The following RNGTT variants were observed in gnomAD, a reference collection of about 807,000 sequenced individuals.
The protein encoded by RNGTT is mRNA-capping enzyme.
RNGTT carries 33 observed loss-of-function variants against 79.3 expected under a neutral mutation model. The ratio of observed to expected loss-of-function variants is 0.42; its 90% CI spans 0.32 to 0.56. The LOEUF (loss-of-function observed/expected upper bound fraction) is 0.56, where lower values mean the gene tolerates loss of function less well. Among genes scored for constraint, RNGTT ranks in the 20% least tolerant of loss-of-function variants. RNGTT has a pLI of 0.17. For missense variants in RNGTT, 497 were observed against 739.1 expected, an observed-to-expected ratio of 0.67 and a Z score of 3.80; for synonymous variants, 222 against 235.9, an observed-to-expected ratio of 0.94 and a Z score of 0.54.
intron 5 of RNGTT, among the ~76,000 whole-genome samples, chr6:88,905,553 CATAA>C (rs1443438233): frequency 6.6e-6 from 1 of 152,160 alleles, no homozygotes; most frequent in African/African-American, 2.4e-5. Context: ...TCTTTGTAAA[CATAA>C]ATAATGATGC....
chr6:88,871,647 G>C (rs1044067438), intron 8 of RNGTT, among the ~76,000 whole-genome samples: 7 of 152,180 alleles, frequency 4.6e-5, no homozygotes, highest in African/African-American at 1.4e-4. Flanking sequence ...TCAGGCAGCT[G>C]TGAGAACCCA....
At chr6:88,704,265 A>AACAAAAC (rs1464499678) in intron 13 of RNGTT, among the ~76,000 whole-genome samples, 4 of 125,422 alleles carry the variant, frequency 3.2e-5, no homozygotes, top group African/African-American at 1.3e-4. Flanking sequence ...GTCTCAAAAA[A>AACAAAAC]AAAAAAAAAA....
intron 12 of RNGTT, among the ~76,000 whole-genome samples, chr6:88,772,800 C>A (rs1253986672): frequency 2.0e-5 from 3 of 151,544 alleles, no homozygotes; most frequent in African/African-American, 7.3e-5. Context: ...GAATGGCAAT[C>A]ATTAAAAAGT....
intron 8 of RNGTT, among the ~76,000 whole-genome samples, chr6:88,879,634 C>T (rs974031440): frequency 2.0e-5 from 3 of 152,130 alleles, no homozygotes; most frequent in Admixed American, 2.0e-4. Context: ...TAGTAAATTA[C>T]ATAAAAAATC....
intron 2 of RNGTT, among the ~76,000 whole-genome samples, chr6:88,935,338 A>G (rs1311606647): frequency 6.6e-6 from 1 of 152,152 alleles, no homozygotes; most frequent in Non-Finnish European, 1.5e-5. Flanking sequence ...AATACACTGT[A>G]AAGTAGTGTG....
chr6:88,801,510 A>T, intron 12 of RNGTT, 54 bp downstream of exon 12: 5 of 1,175,992 alleles, frequency 4.3e-6, no homozygotes, highest in Non-Finnish European at 6.2e-6. Flanking sequence ...ATATCTGTGT[A>T]CACACACACA....
chr6:88,849,706 A>G (rs144959568), intron 10 of RNGTT, 49 bp downstream of exon 10: 19,141 of 1,448,352 alleles, frequency 0.013, 178 homozygotes, highest in Non-Finnish European at 0.015. Context: ...TCAAAAATAC[A>G]TTCATTATTT....
In RNGTT at chr6:88,682,209, C is replaced by T. The variant is rs74705197; in HGVS notation, c.1440-3790G>A. Among the ~76,000 whole-genome samples the T allele has an allele frequency of 7.7e-3, 1,165 of 152,268 alleles. 7 individuals carry two copies. The highest frequency in any genetic ancestry group is 0.014 in the Admixed American group (209 of 15,284). Reference sequence around the variant, plus strand: ...AAAAGTTTAAAAGGAGCAAGGGATTCTTTCTAAAAATAAGCTAAATAACTC... The same window carrying T: ...AAAAGTTTAAAAGGAGCAAGGGATTTTTTCTAAAAATAAGCTAAATAACTC... On this transcript the variant is annotated intron_variant, in intron 13 of 15. Coordinates refer to ENST00000369485, the MANE Select transcript of RNGTT (RefSeq NM_003800.5).
intron 13 of RNGTT, among the ~76,000 whole-genome samples, chr6:88,740,044 A>G (rs1777432377): frequency 6.6e-6 from 1 of 152,018 alleles, no homozygotes; most frequent in South Asian, 2.1e-4. Flanking sequence ...TTCCAGAGAA[A>G]CAAATTTTTC....
chr6:88,896,962 C>A (rs187840548), intron 6 of RNGTT, among the ~76,000 whole-genome samples: 1 of 152,286 alleles, frequency 6.6e-6, no homozygotes, highest in African/African-American at 2.4e-5. Flanking sequence ...ATGGCACTAC[C>A]ACAATCATTT....
chr6:88,826,821 T>C (rs1271378091), intron 11 of RNGTT, among the ~76,000 whole-genome samples: 1 of 81,778 alleles, frequency 1.2e-5, no homozygotes, highest in Non-Finnish European at 2.5e-5. Flanking sequence ...TATATATGTG[T>C]GTGTATATAT....
chr6:88,858,325 G>T (rs917124537), intron 8 of RNGTT, among the ~76,000 whole-genome samples: 1 of 151,862 alleles, frequency 6.6e-6, no homozygotes, highest in East Asian at 1.9e-4. Flanking sequence ...ACAGCAAATG[G>T]CACAGACTCT....
chr6:88,661,406 A>T (rs1393895406), intron 14 of RNGTT, among the ~76,000 whole-genome samples: 1 of 152,186 alleles, frequency 6.6e-6, no homozygotes, highest in Non-Finnish European at 1.5e-5. Context: ...GTTAAAAAAA[A>T]TTGACAGACC....
chr6:88,878,424 T>C (rs1314574362), intron 8 of RNGTT, among the ~76,000 whole-genome samples: 1 of 152,112 alleles, frequency 6.6e-6, no homozygotes, highest in African/African-American at 2.4e-5. Context: ...GCCCAAGTAC[T>C]AGAATACAGA....
At chr6:88,843,548 CTTTTTTTT>C (rs11312733) in intron 11 of RNGTT, among the ~76,000 whole-genome samples, 8 of 66,634 alleles carry the variant, frequency 1.2e-4, no homozygotes, top group Non-Finnish European at 1.7e-4. Flanking sequence ...TAGTATGATT[CTTTTTTTT>C]TTTTTTTTTT....
At position 88,929,092 on chromosome 6, in the gene RNGTT, T is replaced by A; in HGVS notation, c.279-19A>T. 6.3e-7 allele frequency: 1 copy of A among 1,597,380 alleles called. No individual in the cohort carries two copies. Among genetic ancestry groups the A allele is most frequent in the Non-Finnish European group, 8.5e-7 (1 of 1,170,838 alleles). ...ACCATGTCTAGTAATATAGAAAAAG[T>A]TTTTTTGAAAAAAGAGATTACAAAT... On this transcript the variant is annotated intron_variant, in intron 3 of 15. Coordinates refer to ENST00000369485, the MANE Select transcript of RNGTT (RefSeq NM_003800.5).
At chr6:88,850,058 T>C (rs557862013) in intron 9 of RNGTT, among the ~76,000 whole-genome samples, 1 of 151,954 alleles carries the variant, frequency 6.6e-6, no homozygotes, top group Non-Finnish European at 1.5e-5. Context: ...TCTCATCATA[T>C]TTTTCATATT....
intron 13 of RNGTT, among the ~76,000 whole-genome samples, chr6:88,729,595 A>G (rs758471282): frequency 6.6e-6 from 1 of 152,152 alleles, no homozygotes; most frequent in Non-Finnish European, 1.5e-5. Context: ...ATCTATTATA[A>G]CCAACAGCGA....
chr6:88,877,062 A>G (rs1383461288), intron 8 of RNGTT, among the ~76,000 whole-genome samples: 1 of 152,214 alleles, frequency 6.6e-6, no homozygotes, highest in Admixed American at 6.5e-5. Context: ...CTACTAACCA[A>G]TGGGTATTTC....
Sources: allele counts gnomAD v4.1 joint callset (sites outside exome capture counted in the v4.1 genomes callset), GRCh38; gene constraint gnomAD v4.1.1; transcripts MANE v1.5; gene names NCBI Gene and HGNC (gene_info 2026-07-23, HGNC 2026-07-21).